The following FIRRM variants were observed in gnomAD, a reference collection of about 807,000 sequenced individuals.
FIRRM encodes the protein FIGNL1-interacting regulator of recombination and mitosis.
chr1:169,828,221 T>C, the FIRRM span, among the ~76,000 whole-genome samples: 1 of 152,180 alleles, frequency 6.6e-6, no homozygotes, highest in African/African-American at 2.4e-5. Flanking sequence ...GCCAACACCG[T>C]AGTCCAGGCT....
chr1:169,814,322 C>T, the FIRRM span, among the ~76,000 whole-genome samples: 1 of 152,162 alleles, frequency 6.6e-6, no homozygotes, highest in African/African-American at 2.4e-5. Context: ...AGTATTAAAT[C>T]ATAACTGCAT....
At chr1:169,853,412 T>C in the FIRRM span, 2 of 381,442 alleles carry the variant, frequency 5.2e-6, no homozygotes, top group Non-Finnish European at 9.3e-6. Flanking sequence ...AGAATTGTCC[T>C]GGAAAAAGCA....
chr1:169,800,128 C>T, the FIRRM span, among the ~76,000 whole-genome samples: 8 of 152,172 alleles, frequency 5.3e-5, no homozygotes, highest in African/African-American at 1.2e-4. Flanking sequence ...CCATCTCCCA[C>T]GCTCAAGCAA....
the FIRRM span, chr1:169,795,926 C>T: frequency 1.0e-6 from 1 of 985,458 alleles, no homozygotes; most frequent in Non-Finnish European, 1.2e-6. Flanking sequence ...GCAGCACATT[C>T]TTGATTGGTC....
the FIRRM span, among the ~76,000 whole-genome samples, chr1:169,832,776 A>T: frequency 5.3e-5 from 8 of 151,770 alleles, no homozygotes; most frequent in South Asian, 2.1e-4. Context: ...GCTAATTTTT[A>T]AAAAAATTAC....
At chr1:169,849,889 T>G in the FIRRM span, 1 of 473,206 alleles carries the variant, frequency 2.1e-6, no homozygotes, top group South Asian at 2.6e-5. Context: ...AGATAGTATT[T>G]TTGGGTCAAA....
the FIRRM span, among the ~76,000 whole-genome samples, chr1:169,812,654 C>G: frequency 2.0e-5 from 3 of 152,054 alleles, no homozygotes; most frequent in Middle Eastern, 3.4e-3. Flanking sequence ...GCTAGGAGTT[C>G]GAGACCAGGC....
chr1:169,797,122 G>T, the FIRRM span, among the ~76,000 whole-genome samples: 1 of 152,182 alleles, frequency 6.6e-6, no homozygotes, highest in Admixed American at 6.5e-5. Flanking sequence ...TCAGCACCTA[G>T]AACAGTGCCT....
chr1:169,848,325 A>C, the FIRRM span, among the ~76,000 whole-genome samples: 57 of 152,332 alleles, frequency 3.7e-4, no homozygotes, highest in Non-Finnish European at 6.5e-4. Flanking sequence ...AGGCCAGTAC[A>C]TAATTTAAAG....
At chr1:169,798,864 C>G in the FIRRM span, 5 of 1,057,062 alleles carry the variant, frequency 4.7e-6, no homozygotes, top group African/African-American at 5.0e-5. Context: ...TAGGTTTGTT[C>G]TGAGTAATGA....
chr1:169,785,553 G>T, the FIRRM span, among the ~76,000 whole-genome samples: 1 of 152,152 alleles, frequency 6.6e-6, no homozygotes, highest in African/African-American at 2.4e-5. Flanking sequence ...CTGTCCAGCA[G>T]CCGATCTCCT....
At chr1:169,826,352 C>G in the FIRRM span, among the ~76,000 whole-genome samples, 1 of 134,504 alleles carries the variant, frequency 7.4e-6, no homozygotes, top group Non-Finnish European at 1.5e-5. Flanking sequence ...CGTGAGCCAC[C>G]ACACCCGGCA....
chr1:169,803,574 A>G, the FIRRM span, among the ~76,000 whole-genome samples: 2 of 152,216 alleles, frequency 1.3e-5, no homozygotes, highest in African/African-American at 4.8e-5. Flanking sequence ...GTTGAGACAG[A>G]CACAGGGATC....
the FIRRM span, among the ~76,000 whole-genome samples, chr1:169,843,090 T>C: frequency 0.012 from 1,759 of 152,348 alleles, 40 homozygotes; most frequent in African/African-American, 0.04. Flanking sequence ...GAAATTAACA[T>C]TGGCCTCTGG....
the FIRRM span, chr1:169,807,799 T>C: frequency 6.3e-7 from 1 of 1,592,678 alleles, no homozygotes; most frequent in Non-Finnish European, 8.5e-7. Flanking sequence ...AGGCAGAGCC[T>C]TAAGCACCAG....
chr1:169,841,706 A>G, the FIRRM span, among the ~76,000 whole-genome samples: 1 of 152,232 alleles, frequency 6.6e-6, no homozygotes, highest in African/African-American at 2.4e-5. Flanking sequence ...AAACAACAGG[A>G]AAAATAAAAA....
chr1:169,790,914 C>A, the FIRRM span, among the ~76,000 whole-genome samples: 1 of 152,166 alleles, frequency 6.6e-6, no homozygotes. Context: ...GACAATTTTT[C>A]CATGAAGGGC....
At chr1:169,826,377 T>TC in the FIRRM span, among the ~76,000 whole-genome samples, 2 of 143,136 alleles carry the variant, frequency 1.4e-5, no homozygotes, top group African/African-American at 5.2e-5. Flanking sequence ...TTTTTTTTTT[T>TC]TCTGAGATAG....
At chr1:169,834,434 A>C in the FIRRM span, among the ~76,000 whole-genome samples, 1 of 152,120 alleles carries the variant, frequency 6.6e-6, no homozygotes, top group Admixed American at 6.6e-5. Context: ...GCATGAAAAG[A>C]CCATTTAACA....
Sources: gnomAD v4.1 joint callset for allele counts (sites outside exome capture counted in the v4.1 genomes callset) on GRCh38, gnomAD v4.1.1 for gene constraint, MANE v1.5 for transcripts, NCBI Gene and HGNC (gene_info 2026-07-23, HGNC 2026-07-21) for gene names.